Variants in LIPI observed in about 807,000 individuals in gnomAD.
LIPI encodes lipase I, also known as lipase member I.
LIPI carries 59 observed loss-of-function variants against 50.6 expected under a neutral mutation model. The observed-to-expected ratio is 1.16, with a 90% CI of 0.94 to 1.45. The LOEUF is 1.45. Ranked by LOEUF, LIPI falls within the 40% of genes most tolerant of loss-of-function variation. The pLI is 0.00. For missense variants in LIPI, 586 were observed against 536.3 expected (o/e 1.09, Z -0.92); for synonymous variants, 203 against 178.2 (o/e 1.14, Z -1.11).
chr21:14,152,079 ATTTATTTATTTATTTATTTAT>A (rs923816690), intron 8 of LIPI, among the ~76,000 whole-genome samples: 1 of 124,658 alleles, frequency 8.0e-6, no homozygotes, highest in African/African-American at 3.2e-5. Flanking sequence ...TATTTTATTT[ATTTATTTATTTATTTATTTAT>A]TTATTTATTT....
intron 4 of LIPI, among the ~76,000 whole-genome samples, chr21:14,180,379 G>A (rs2019231515): frequency 1.3e-5 from 2 of 152,082 alleles, no homozygotes; most frequent in Admixed American, 6.6e-5. Flanking sequence ...AAACTTGCTG[G>A]TCTGAGACTC....
At chr21:14,175,400 C>T (rs1568868363) in intron 4 of LIPI, among the ~76,000 whole-genome samples, 1 of 152,054 alleles carries the variant, frequency 6.6e-6, no homozygotes, top group Non-Finnish European at 1.5e-5. Flanking sequence ...AGAATGTATC[C>T]TTCATAATGT....
chr21:14,150,302 C>A (rs1389264820), intron 8 of LIPI, among the ~76,000 whole-genome samples: 1 of 152,180 alleles, frequency 6.6e-6, no homozygotes, highest in Non-Finnish European at 1.5e-5. Context: ...GGACAAACAG[C>A]CAAACTATAT....
chr21:14,160,993 G>C (rs2212714), intron 7 of LIPI, among the ~76,000 whole-genome samples: 1 of 151,044 alleles, frequency 6.6e-6, no homozygotes. Context: ...GAAAAAAATC[G>C]GAAAAATTAG....
rs2017943343 is a variant in LIPI at position 14,147,340 on chromosome 21, T to C, written c.1119-2541A>G. On this transcript the variant is annotated intron_variant, in intron 8 of 9. Transcript: ENST00000681601. The stretch of plus-strand genomic sequence containing the variant: ...CTTTTTTATGAACAGATTTTACTTA[T>C]ATAATTTTATAATTATTTGACTATC... Among the ~76,000 whole-genome samples the C allele has an allele frequency of 2.0e-5, 3 of 152,174 alleles. No individual in the cohort carries two copies. In the South Asian group the frequency reaches 6.2e-4, roughly 31 times the overall value.
chr21:14,183,598 A>C (rs1342087829), intron 3 of LIPI, among the ~76,000 whole-genome samples: 1 of 152,110 alleles, frequency 6.6e-6, no homozygotes, highest in African/African-American at 2.4e-5. Context: ...CTAATATCCA[A>C]AATCTACAAT....
intron 6 of LIPI, among the ~76,000 whole-genome samples, chr21:14,163,841 T>C (rs960065400): frequency 6.6e-6 from 1 of 151,828 alleles, no homozygotes. Flanking sequence ...CTGTAATTCC[T>C]TCTAATAAGT....
chr21:14,133,965 G>T (rs2017394069), intron 9 of LIPI, among the ~76,000 whole-genome samples: 1 of 152,198 alleles, frequency 6.6e-6, no homozygotes, highest in Non-Finnish European at 1.5e-5. Context: ...TTGCCACTGT[G>T]GGAGGCTGTG....
chr21:14,157,723 C>G (rs1477178086), intron 7 of LIPI, among the ~76,000 whole-genome samples: 4 of 151,788 alleles, frequency 2.6e-5, no homozygotes, highest in Non-Finnish European at 2.9e-5. Context: ...GACCAACATG[C>G]GAAGCCATGA....
intron 1 of LIPI, among the ~76,000 whole-genome samples, chr21:14,207,296 G>A (rs2123359115): frequency 6.6e-6 from 1 of 152,250 alleles, no homozygotes; most frequent in South Asian, 2.1e-4. Flanking sequence ...AAATAGCTAG[G>A]AGGATATTGA....
chr21:14,173,029 G>T (rs7282646), intron 4 of LIPI, among the ~76,000 whole-genome samples: 39,066 of 152,036 alleles, frequency 0.26, 5,308 homozygotes, highest in Middle Eastern at 0.34. Context: ...GGACAGGAAG[G>T]GTCTAGTGAG....
chr21:14,123,052 G>C (rs2016922431), intron 9 of LIPI, among the ~76,000 whole-genome samples: 1 of 152,168 alleles, frequency 6.6e-6, no homozygotes, highest in Non-Finnish European at 1.5e-5. Context: ...ACCAGTATAA[G>C]TAACCAATGG....
At chr21:14,178,872 T>C (rs1261802096) in intron 4 of LIPI, among the ~76,000 whole-genome samples, 3 of 152,194 alleles carry the variant, frequency 2.0e-5, no homozygotes, top group Non-Finnish European at 4.4e-5. Context: ...AAGGCTATTG[T>C]TTGCTTCTGT....
chr21:14,203,031 A>G (rs989744761), intron 1 of LIPI, among the ~76,000 whole-genome samples: 2 of 152,230 alleles, frequency 1.3e-5, no homozygotes, highest in Non-Finnish European at 2.9e-5. Context: ...AAGGATATGA[A>G]CAGACACTTC....
In LIPI at chr21:14,132,436, A is replaced by C. The variant is rs373592071; in HGVS notation, c.1295+12187T>G. Among the ~76,000 whole-genome samples, 81 of 152,262 alleles carry C rather than the reference A, an allele frequency of 5.3e-4. 2 individuals carry two copies. The highest frequency in any genetic ancestry group is 2.5e-3 in the South Asian group (12 of 4,830). ...AAAGTGCTGAAAACACACACACACA[A>C]AAAAGTTTTGGCCAAAATATTTATA... On this transcript the variant is annotated intron_variant, in intron 9 of 9. Coordinates refer to ENST00000681601, the MANE Select transcript of LIPI (RefSeq NM_001302998.2).
At chr21:14,109,887 A>G (rs1415096627) in intron 9 of LIPI, among the ~76,000 whole-genome samples, 2 of 151,746 alleles carry the variant, frequency 1.3e-5, no homozygotes, top group Non-Finnish European at 2.9e-5. Flanking sequence ...TATCACTGTC[A>G]TGAATTTTGA....
At chr21:14,156,379 T>A (rs1005695979) in intron 7 of LIPI, among the ~76,000 whole-genome samples, 1 of 151,686 alleles carries the variant, frequency 6.6e-6, no homozygotes, top group Non-Finnish European at 1.5e-5. Context: ...GTCAAAATGA[T>A]ATAATATGAA....
At chr21:14,176,953 C>T (rs2019119522) in intron 4 of LIPI, among the ~76,000 whole-genome samples, 1 of 151,990 alleles carries the variant, frequency 6.6e-6, no homozygotes, top group Non-Finnish European at 1.5e-5. Context: ...TCAGTATATG[C>T]TTAACTTAGC....
At chr21:14,160,141 A>G (rs2018411625) in intron 7 of LIPI, among the ~76,000 whole-genome samples, 2 of 151,556 alleles carry the variant, frequency 1.3e-5, no homozygotes, top group East Asian at 1.9e-4. Context: ...TAAAATTTAT[A>G]TTGAAATGTA....
Sources: allele counts gnomAD v4.1 joint callset (sites outside exome capture counted in the v4.1 genomes callset), GRCh38; gene constraint gnomAD v4.1.1; transcripts MANE v1.5; gene names NCBI Gene and HGNC (gene_info 2026-07-23, HGNC 2026-07-21).